Variants in DYRK4 observed in about 807,000 individuals in gnomAD.
DYRK4 encodes dual specificity tyrosine-phosphorylation-regulated kinase 4.
In DYRK4, 64 loss-of-function variants were observed where a neutral mutation model predicts 68.3. The ratio of observed to expected loss-of-function variants is 0.94; its 90% CI spans 0.77 to 1.15. The LOEUF (loss-of-function observed/expected upper bound fraction) is 1.15, where lower values mean the gene tolerates loss of function less well. Ranked by LOEUF, DYRK4 falls within the 50% of genes most tolerant of loss-of-function variation. The pLI, the probability that DYRK4 is intolerant of heterozygous loss-of-function variation, is 0.00. For synonymous variants in DYRK4, 274 were observed against 289.9 expected, an observed-to-expected ratio of 0.95 and a Z score of 0.56; for missense variants, 740 against 764.7, an observed-to-expected ratio of 0.97 and a Z score of 0.38.
At chr12:4,592,798 A>AT in intron 5 of DYRK4, 1 of 525,136 alleles carries the variant, frequency 1.9e-6, no homozygotes, top group African/African-American at 1.9e-5. Context: ...TCCTTTCTCG[A>AT]TTTGTTGAAA....
At chr12:4,592,701 A>G (rs774293385) in intron 5 of DYRK4, 102 of 257,746 alleles carry the variant, frequency 4.0e-4, no homozygotes, top group South Asian at 1.0e-3. Flanking sequence ...TATTGTCGAC[A>G]CTAATTTGAC....
chr12:4,580,855 A>T, intron 2 of DYRK4: 1 of 455,904 alleles, frequency 2.2e-6, no homozygotes. Context: ...CTGAGAAAAC[A>T]GGAAAATCGC....
At chr12:4,568,151 C>T in intron 2 of DYRK4, 103 bp downstream of exon 2, 1 of 1,098,732 alleles carries the variant, frequency 9.1e-7, no homozygotes, top group Middle Eastern at 2.1e-4. Context: ...CCTCTGGGTA[C>T]AGCGCAAAGG....
rs546449922 is a variant in DYRK4, at chr12:4,590,253, G to A, written c.214-77G>A. The A allele has an allele frequency of 6.8e-6, 10 of 1,463,578 alleles. No individual in the cohort carries two copies. The South Asian group carries it at 1.3e-4, about 19-fold the overall frequency. The allele number at this position is 1,463,578 out of a possible 1,614,324, so 90.7% of individuals were successfully genotyped here. A position where few individuals can be genotyped will look rare whatever the true frequency, so the allele number is the denominator to read the frequency against. On this transcript the variant is annotated intron_variant, in intron 3 of 14. Coordinates refer to ENST00000543431, the MANE Select transcript of DYRK4 (RefSeq NM_001394779.1). The stretch of plus-strand genomic sequence containing the variant: ...CATTCTTGTTGGGGAATTGGGAAGG[G>A]AGGCTGGAAGAAATGACCCCTGGAG...
chr12:4,610,076 G>C (rs186691977), intron 12 of DYRK4, 79 bp from the exon 13 acceptor site: 1 of 1,350,096 alleles, frequency 7.4e-7, no homozygotes, highest in East Asian at 2.5e-5. Flanking sequence ...GAGCTACAGA[G>C]GCCACTCTAA....
Position 4,596,218 on chromosome 12 carries a change from G to A in DYRK4, c.697G>A (p.Val233Met). ...ETIGKGSFGQVAKCLDHKNNE... is the reference protein window; with the variant it reads ...ETIGKGSFGQMAKCLDHKNNE... ...AATCGGGAAGGGGTCCTTTGGACAG[G>A]TGGCCAAGTGCTTGGATCACAAAAA... Residue 233 changes from valine to methionine, a missense_variant, in exon 7 of 15, where the codon GTG becomes ATG. This residue lies in a region of DYRK4 where 614 missense variants were observed against 603.7 expected (regional missense o/e 1.02). Coordinates refer to ENST00000543431, the MANE Select transcript of DYRK4 (RefSeq NM_001394779.1). The A allele has an allele frequency of 6.2e-7, 1 of 1,614,202 alleles. No homozygotes were observed. Among genetic ancestry groups the A allele is most frequent in the Non-Finnish European group, 8.5e-7 (1 of 1,180,032 alleles).
intron 2 of DYRK4, among the ~76,000 whole-genome samples, chr12:4,577,577 T>G (rs1051251481): frequency 1.3e-5 from 2 of 152,220 alleles, no homozygotes; most frequent in Non-Finnish European, 2.9e-5. Flanking sequence ...GTCCTCTAAC[T>G]TTGCTGTTCT....
intron 11 of DYRK4, among the ~76,000 whole-genome samples, 157 bp from the exon 12 acceptor site, chr12:4,607,170 A>G (rs561322962): frequency 6.6e-6 from 1 of 152,346 alleles, no homozygotes; most frequent in South Asian, 2.1e-4. Context: ...TAAAAGGCCC[A>G]GGCTCTGGGT....
chr12:4,594,493 G>A (rs910777218), intron 6 of DYRK4, among the ~76,000 whole-genome samples: 1 of 152,116 alleles, frequency 6.6e-6, no homozygotes, highest in African/African-American at 2.4e-5. Context: ...CAAAAGGCTG[G>A]GATCACAGGT....
At chr12:4,585,684 G>GAGTT (rs1944889829) in intron 2 of DYRK4, among the ~76,000 whole-genome samples, 1 of 152,080 alleles carries the variant, frequency 6.6e-6, no homozygotes, top group African/African-American at 2.4e-5. Context: ...TGTAAATGAT[G>GAGTT]AGTTAATGGG....
rs116052452 is a variant in DYRK4 at position 4,594,764 on chromosome 12, C to T, written c.628-1385C>T. ...GAAGAAAGGGACAATGTGTGTTCTC[C>T]GTAAGCTCAGAATCACCATCCTTAT... On this transcript the variant is annotated intron_variant, in intron 6 of 14. Coordinates refer to ENST00000543431, the MANE Select transcript of DYRK4 (RefSeq NM_001394779.1). Among the ~76,000 whole-genome samples, 1,172 of 151,744 alleles carry T rather than the reference C, an allele frequency of 7.7e-3. 11 individuals carry two copies. The highest frequency in any genetic ancestry group is 0.027 in the African/African-American group (1,097 of 41,338).
intron 2 of DYRK4, chr12:4,572,988 G>T (rs572749166): frequency 3.8e-6 from 1 of 262,772 alleles, no homozygotes; most frequent in South Asian, 3.9e-5. Flanking sequence ...ATCCTGATCC[G>T]ACCATTTGGT....
chr12:4,562,749 C>T (rs563233062), intron 1 of DYRK4, among the ~76,000 whole-genome samples: 1 of 152,376 alleles, frequency 6.6e-6, no homozygotes, highest in South Asian at 2.1e-4. Flanking sequence ...CTCATGTTCC[C>T]ACCCAGCCCA....
chr12:4,603,312 T>C lies in DYRK4; in HGVS notation c.1127-1602T>C, dbSNP rs963775670. The C allele has an allele frequency of 3.9e-6, 3 of 761,066 alleles. No homozygotes were observed. The African/African-American group carries it at 5.2e-5, about 13-fold the overall frequency. 47.1% of individuals were successfully genotyped at this position (761,066 alleles called of 1,614,324 possible). A position where few individuals can be genotyped will look rare whatever the true frequency, so the allele number is the denominator to read the frequency against. The stretch of plus-strand genomic sequence containing the variant: ...TCCTTCTCACAAGCCATCTCTATTA[T>C]GCTGGCATCACTTTTTTCATTTTCA... On this transcript the variant is annotated intron_variant, in intron 10 of 14. Coordinates refer to ENST00000543431, the MANE Select transcript of DYRK4 (RefSeq NM_001394779.1).
chr12:4,597,744 C>G (rs1945034538), intron 8 of DYRK4, among the ~76,000 whole-genome samples: 1 of 152,096 alleles, frequency 6.6e-6, no homozygotes, highest in African/African-American at 2.4e-5. Context: ...TTGCAGCCCT[C>G]AAGAATGAAT....
At chr12:4,612,993 G>T in intron 14 of DYRK4, 1 of 379,218 alleles carries the variant, frequency 2.6e-6, no homozygotes, top group South Asian at 3.1e-5. Context: ...GGGAAATTTG[G>T]CATTAGCCTG....
intron 2 of DYRK4, among the ~76,000 whole-genome samples, chr12:4,574,577 A>G (rs1944767564): frequency 6.6e-6 from 1 of 152,214 alleles, no homozygotes; most frequent in South Asian, 2.1e-4. Context: ...TTTAAATACT[A>G]TGAATATCAC....
chr12:4,595,796 T>A (rs1042565473), intron 6 of DYRK4, among the ~76,000 whole-genome samples: 1 of 152,116 alleles, frequency 6.6e-6, no homozygotes, highest in African/African-American at 2.4e-5. Context: ...TTTCCAACCC[T>A]CTTACTTTAT....
chr12:4,582,023 A>G (rs1045263375), intron 2 of DYRK4, among the ~76,000 whole-genome samples: 1 of 152,248 alleles, frequency 6.6e-6, no homozygotes, highest in African/African-American at 2.4e-5. Flanking sequence ...AACTTTGTGC[A>G]TGAAACAAAG....
Sources: allele counts gnomAD v4.1 joint callset (sites outside exome capture counted in the v4.1 genomes callset), GRCh38; gene constraint gnomAD v4.1.1; regional missense constraint gnomAD v4.1.1; transcripts MANE v1.5; gene names NCBI Gene and HGNC (gene_info 2026-07-23, HGNC 2026-07-21).